The following PCSK5 variants were observed in gnomAD, a reference collection of about 807,000 sequenced individuals.
PCSK5 encodes proprotein convertase subtilisin/kexin type 5.
PCSK5 carries 129 observed loss-of-function variants against 233.2 expected under a neutral mutation model. That is an observed-to-expected ratio of 0.55 (90% CI 0.48 to 0.64). PCSK5 has a LOEUF of 0.64. Among genes scored for constraint, PCSK5 ranks in the 30% least tolerant of loss-of-function variants. PCSK5 has a pLI of 0.00. For missense variants in PCSK5, 2,076 were observed against 2,430.1 expected (o/e 0.85, Z 3.06); for synonymous variants, 825 against 879.2 (o/e 0.94, Z 1.09).
Position 76,332,545 on chromosome 9 carries a change from G to C in PCSK5, c.4683G>C (p.Gln1561His), listed in dbSNP as rs146437583. Residue 1561 changes from glutamine to histidine, a missense_variant, in exon 34 of 38, where the codon CAG (glutamine) becomes CAC (histidine). This residue lies in a region of PCSK5 where 1,510 missense variants were observed against 1,538.1 expected (regional missense o/e 0.98). Transcript: ENST00000674117. ...CRTCEGRHSR[Q>H]CHSCRPGWFQ... Reference sequence around the variant, plus strand: ...CATGTGAAGGGAGACACAGCAGGCAGTGCCACTCCTGCCGACCGGGCTGGT... The same window carrying C: ...CATGTGAAGGGAGACACAGCAGGCACTGCCACTCCTGCCGACCGGGCTGGT... 1,544 of 1,612,438 alleles carry C rather than the reference G, an allele frequency of 9.6e-4. 10 individuals carry two copies. In the African/African-American group the frequency reaches 0.013, roughly 13 times the overall value.
chr9:76,343,934 G>T (rs572602278), intron 35 of PCSK5, among the ~76,000 whole-genome samples: 1 of 140,062 alleles, frequency 7.1e-6, no homozygotes, highest in South Asian at 2.4e-4. Flanking sequence ...AAAATTTTTA[G>T]TAGTCATGTT....
chr9:75,974,435 T>C (rs1006317769), intron 2 of PCSK5, among the ~76,000 whole-genome samples: 5 of 152,218 alleles, frequency 3.3e-5, no homozygotes, highest in African/African-American at 1.2e-4. Flanking sequence ...CAACTGGATT[T>C]AGGGGAGAAA....
At chr9:76,312,545 C>T (rs979798979) in intron 30 of PCSK5, among the ~76,000 whole-genome samples, 3 of 151,362 alleles carry the variant, frequency 2.0e-5, no homozygotes, top group Non-Finnish European at 4.4e-5. Context: ...AAACTGGCAC[C>T]TATTTCCTAG....
chr9:75,921,956 T>G (rs995585167), intron 1 of PCSK5, among the ~76,000 whole-genome samples: 1 of 152,194 alleles, frequency 6.6e-6, no homozygotes, highest in Admixed American at 6.5e-5. Context: ...GGAGAAATGT[T>G]CTAATTCAAT....
chr9:76,351,447 G>GAAAGGAAAGAAGGAAA (rs1491332963), intron 36 of PCSK5, among the ~76,000 whole-genome samples: 1 of 27,460 alleles, frequency 3.6e-5, no homozygotes, highest in African/African-American at 1.1e-4. Flanking sequence ...GTGAAAGAAA[G>GAAAGGAAAGAAGGAAA]GAAAGAAAGA....
At chr9:76,086,015 T>C (rs1439954803) in intron 7 of PCSK5, among the ~76,000 whole-genome samples, 2 of 152,200 alleles carry the variant, frequency 1.3e-5, no homozygotes, top group African/African-American at 4.8e-5. Context: ...TTTTACCCCT[T>C]CCATATACAT....
At chr9:76,096,177 A>G (rs1320756190) in intron 8 of PCSK5, 75 bp downstream of exon 8, 2 of 753,926 alleles carry the variant, frequency 2.7e-6, no homozygotes, top group Non-Finnish European at 4.4e-6. Flanking sequence ...AGAACCATAA[A>G]CATATATATA....
At chr9:76,214,926 C>T (rs935382845) in intron 20 of PCSK5, among the ~76,000 whole-genome samples, 12 of 152,328 alleles carry the variant, frequency 7.9e-5, no homozygotes, top group East Asian at 1.9e-4. Context: ...CCAAACAATA[C>T]AACTACAACT....
intron 1 of PCSK5, among the ~76,000 whole-genome samples, chr9:75,926,992 A>AAAATGCCT (rs1470722387): frequency 2.6e-5 from 4 of 152,354 alleles, no homozygotes; most frequent in East Asian, 3.9e-4. Context: ...ACCTAGAAAC[A>AAAATGCCT]AAATGCCTAG....
At chr9:76,208,157 C>A (rs555541193) in intron 20 of PCSK5, among the ~76,000 whole-genome samples, 1 of 152,254 alleles carries the variant, frequency 6.6e-6, no homozygotes, top group African/African-American at 2.4e-5. Context: ...TCTTAAAGGT[C>A]TCTCCTCTTG....
intron 24 of PCSK5, among the ~76,000 whole-genome samples, chr9:76,268,401 G>A (rs1189401690): frequency 6.6e-6 from 1 of 152,194 alleles, no homozygotes; most frequent in African/African-American, 2.4e-5. Context: ...AGTGATAAGA[G>A]TTGTTGCTTT....
chr9:76,329,562 C>T (rs1452555547), intron 33 of PCSK5, among the ~76,000 whole-genome samples: 1 of 151,788 alleles, frequency 6.6e-6, no homozygotes, highest in South Asian at 2.1e-4. Flanking sequence ...TGGCTGGGCA[C>T]GGTGGCTCAC....
chr9:76,004,700 G>A (rs887414519), intron 3 of PCSK5, among the ~76,000 whole-genome samples: 3 of 152,086 alleles, frequency 2.0e-5, no homozygotes, highest in Admixed American at 6.5e-5. Flanking sequence ...TGACATTACT[G>A]ACTTTCTTTT....
intron 22 of PCSK5, among the ~76,000 whole-genome samples, chr9:76,236,373 T>C (rs1021197889): frequency 6.6e-6 from 1 of 152,148 alleles, no homozygotes; most frequent in Admixed American, 6.5e-5. Flanking sequence ...TGAATTACTC[T>C]CCAGAATAAA....
At chr9:76,190,878 T>TGATCATAGGTTTAACTTCC (rs1166602709) in intron 20 of PCSK5, among the ~76,000 whole-genome samples, 9 of 152,220 alleles carry the variant, frequency 5.9e-5, no homozygotes, top group South Asian at 4.1e-4. Flanking sequence ...GTGCAGCCCA[T>TGATCATAGGTTTAACTTCC]GATCATAGGT....
At chr9:76,266,985 C>T (rs1412032470) in intron 24 of PCSK5, among the ~76,000 whole-genome samples, 2 of 152,106 alleles carry the variant, frequency 1.3e-5, no homozygotes, top group African/African-American at 2.4e-5. Flanking sequence ...TTCAGAGGTG[C>T]TAATAAGGAA....
intron 3 of PCSK5, among the ~76,000 whole-genome samples, chr9:76,016,449 A>C (rs933692021): frequency 6.6e-6 from 1 of 152,222 alleles, no homozygotes; most frequent in Non-Finnish European, 1.5e-5. Flanking sequence ...TGAAGCCTGA[A>C]TCAGTTCTTT....
At chr9:76,236,147 A>G (rs1204798130) in intron 22 of PCSK5, among the ~76,000 whole-genome samples, 1 of 152,190 alleles carries the variant, frequency 6.6e-6, no homozygotes, top group Non-Finnish European at 1.5e-5. Context: ...AATTCCATCA[A>G]TCACACAACA....
In PCSK5 at chr9:76,310,755, C is replaced by T; in HGVS notation, c.3788C>T (p.Ala1263Val). 1 of 1,612,294 alleles carries T rather than the reference C, an allele frequency of 6.2e-7. No homozygotes were observed. Among genetic ancestry groups the T allele is most frequent in the Non-Finnish European group, 8.5e-7 (1 of 1,179,532 alleles). ...TGCGAGAACTGTACGGAGGCCTGTG[C>T]CATCTGCTCTGGAGCCGATCTTTGC... is the stretch of plus-strand genomic sequence containing the variant. Reference protein sequence around the residue: ...GSCENCTEACAICSGADLCKK... With the variant: ...GSCENCTEACVICSGADLCKK... Residue 1263 changes from alanine (A) to valine (V), a missense_variant, in exon 30 of 38, where the codon GCC (alanine) becomes GTC (valine). Ala to Val is a moderately conservative substitution (Grantham distance 64). This residue lies in a region of PCSK5 where 1,510 missense variants were observed against 1,538.1 expected (regional missense o/e 0.98). Transcript: ENST00000674117.
Sources: allele counts gnomAD v4.1 joint callset (sites outside exome capture counted in the v4.1 genomes callset), GRCh38; gene constraint gnomAD v4.1.1; regional missense constraint gnomAD v4.1.1; transcripts MANE v1.5; gene names NCBI Gene and HGNC (gene_info 2026-07-23, HGNC 2026-07-21).